PTPRD: variants seen among roughly 807,000 people sequenced by gnomAD.
PTPRD encodes receptor-type tyrosine-protein phosphatase delta.
PTPRD carries 34 observed loss-of-function variants against 214.5 expected under a neutral mutation model. That is an observed-to-expected ratio of 0.16 (90% CI 0.12 to 0.21). The LOEUF (loss-of-function observed/expected upper bound fraction) is 0.21, where lower values mean the gene tolerates loss of function less well. PTPRD is among the 10% of genes least tolerant of loss of function. The pLI is 1.00. For missense variants in PTPRD, 2,545 were observed against 2,398.7 expected, an observed-to-expected ratio of 1.06 and a Z score of -1.27; for synonymous variants, 1,128 against 845.7, an observed-to-expected ratio of 1.33 and a Z score of -5.79.
chr9:8,808,401 G>A (rs2096730347), intron 11 of PTPRD, among the ~76,000 whole-genome samples: 3 of 148,296 alleles, frequency 2.0e-5, no homozygotes. Context: ...ACTCTAAAAT[G>A]ATTCTGATGA....
chr9:8,783,478 T>C (rs1281240855), intron 11 of PTPRD, among the ~76,000 whole-genome samples: 1 of 152,218 alleles, frequency 6.6e-6, no homozygotes, highest in Non-Finnish European at 1.5e-5. Context: ...CCCCAAGTGA[T>C]TCTATGGAGT....
At chr9:8,672,851 G>A (rs546755963) in intron 12 of PTPRD, among the ~76,000 whole-genome samples, 1 of 140,256 alleles carries the variant, frequency 7.1e-6, no homozygotes, top group African/African-American at 2.6e-5. Flanking sequence ...CTGTGTGGGG[G>A]GGGTGGGTGG....
intron 4 of PTPRD, among the ~76,000 whole-genome samples, chr9:10,000,770 C>T (rs1170398799): frequency 1.3e-5 from 2 of 152,210 alleles, no homozygotes; most frequent in African/African-American, 4.8e-5. Flanking sequence ...ACCAACATGG[C>T]CAGCTTGGTG....
intron 11 of PTPRD, among the ~76,000 whole-genome samples, chr9:8,966,298 C>A (rs1023304790): frequency 1.3e-5 from 2 of 151,972 alleles, no homozygotes; most frequent in Non-Finnish European, 2.9e-5. Context: ...CCAAAGCAAT[C>A]CTAAGCAAAA....
intron 11 of PTPRD, among the ~76,000 whole-genome samples, chr9:8,937,560 A>C (rs1480430649): frequency 6.6e-6 from 1 of 152,150 alleles, no homozygotes; most frequent in Non-Finnish European, 1.5e-5. Context: ...TAGCAATCTT[A>C]GTCCCTCAGA....
At chr9:8,558,229 A>C (rs370503829) in intron 14 of PTPRD, among the ~76,000 whole-genome samples, 1 of 152,226 alleles carries the variant, frequency 6.6e-6, no homozygotes, top group South Asian at 2.1e-4. Context: ...CTATTTCCTT[A>C]TGCAAACGGA....
intron 11 of PTPRD, among the ~76,000 whole-genome samples, chr9:8,854,341 A>T (rs1051730781): frequency 2.0e-5 from 3 of 152,186 alleles, no homozygotes; most frequent in African/African-American, 7.2e-5. Context: ...TAAACTAAGG[A>T]AGGATAGTTT....
At chr9:9,476,611 A>G (rs982145998) in intron 8 of PTPRD, among the ~76,000 whole-genome samples, 23 of 152,178 alleles carry the variant, frequency 1.5e-4, no homozygotes, top group African/African-American at 5.3e-4. Context: ...TCTATAATAT[A>G]ACTTATGTTT....
At chr9:10,443,016 G>C (rs2098771335) in intron 2 of PTPRD, among the ~76,000 whole-genome samples, 1 of 149,152 alleles carries the variant, frequency 6.7e-6, no homozygotes, top group Admixed American at 6.7e-5. Flanking sequence ...CTTTGGCATA[G>C]AATTATACAT....
At chr9:9,440,999 A>C (rs2087462143) in intron 8 of PTPRD, among the ~76,000 whole-genome samples, 1 of 152,194 alleles carries the variant, frequency 6.6e-6, no homozygotes, top group Admixed American at 6.5e-5. Flanking sequence ...CAATCTACAG[A>C]AAGTTCCAGA....
intron 12 of PTPRD, among the ~76,000 whole-genome samples, chr9:8,722,198 C>T (rs985108862): frequency 1.3e-5 from 2 of 150,924 alleles, no homozygotes; most frequent in Non-Finnish European, 2.9e-5. Flanking sequence ...AAAACTGAAC[C>T]TCACAGGACT....
intron 9 of PTPRD, among the ~76,000 whole-genome samples, chr9:9,221,426 ACATAATAT>A (rs1437153871): frequency 6.6e-6 from 1 of 152,066 alleles, no homozygotes; most frequent in African/African-American, 2.4e-5. Context: ...GGCTGCCACA[ACATAATAT>A]CATAGACTGA....
chr9:9,696,368 C>G (rs2097373794), intron 7 of PTPRD, among the ~76,000 whole-genome samples: 1 of 152,096 alleles, frequency 6.6e-6, no homozygotes, highest in Non-Finnish European at 1.5e-5. Flanking sequence ...GACCTTCTGC[C>G]TGGATAACCT....
intron 9 of PTPRD, 33 bp downstream of exon 9, chr9:9,397,416 C>T (rs1215258199): frequency 1.3e-5 from 2 of 152,248 alleles, no homozygotes; most frequent in East Asian, 1.9e-4. Context: ...AAAAGTATTC[C>T]GTGCAGACAT....
At chr9:9,275,198 A>ATATATAATATATATG (rs1945054286) in intron 9 of PTPRD, among the ~76,000 whole-genome samples, 1 of 12,952 alleles carries the variant, frequency 7.7e-5, no homozygotes, top group Non-Finnish European at 2.9e-4. Context: ...ATATATATAT[A>ATATATAATATATATG]TTATATATAT....
At chr9:9,719,587 T>A (rs151262392) in intron 7 of PTPRD, among the ~76,000 whole-genome samples, 31 of 152,198 alleles carry the variant, frequency 2.0e-4, no homozygotes, top group African/African-American at 7.5e-4. Flanking sequence ...CAGAACAAGG[T>A]GGCAGGACTG....
intron 12 of PTPRD, among the ~76,000 whole-genome samples, chr9:8,642,378 G>A (rs541792729): frequency 6.6e-6 from 1 of 152,070 alleles, no homozygotes; most frequent in Non-Finnish European, 1.5e-5. Context: ...GTTTTTAAAG[G>A]GCTGTTTGTC....
rs548119778 is a variant in PTPRD at position 9,489,625 on chromosome 9, T to A, written c.-237+85107A>T. On this transcript the variant is annotated intron_variant, in intron 8 of 45. Coordinates refer to ENST00000381196, the MANE Select transcript of PTPRD (RefSeq NM_002839.4). ...CTGAAAACTATAATAATGAAAATTT[T>A]AAAAAAAGGATATAGAGGGCTTCAA... Among the ~76,000 whole-genome samples, 575 of 152,004 alleles carry A rather than the reference T, an allele frequency of 3.8e-3. 5 individuals carry two copies. Among genetic ancestry groups the A allele is most frequent in the African/African-American group, 0.013 (549 of 41,512 alleles).
chr9:10,559,674 A>G (rs1339375555), intron 2 of PTPRD, among the ~76,000 whole-genome samples: 1 of 152,180 alleles, frequency 6.6e-6, no homozygotes, highest in African/African-American at 2.4e-5. Context: ...AAAAGGGCTA[A>G]TATCCAGAAT....
Sources: allele counts gnomAD v4.1 joint callset (sites outside exome capture counted in the v4.1 genomes callset), GRCh38; gene constraint gnomAD v4.1.1; transcripts MANE v1.5; gene names NCBI Gene and HGNC (gene_info 2026-07-23, HGNC 2026-07-21).